Variants in WWP1 observed in about 807,000 individuals in gnomAD.
WWP1 encodes the protein NEDD4-like E3 ubiquitin-protein ligase WWP1.
Under a neutral mutation model 130.6 loss-of-function variants are expected in WWP1, and 49 were observed. The observed-to-expected ratio is 0.38, with a 90% CI of 0.30 to 0.48. The LOEUF (loss-of-function observed/expected upper bound fraction) is 0.48, where lower values mean the gene tolerates loss of function less well. WWP1 is among the 20% of genes least tolerant of loss of function. The pLI, the probability that WWP1 is intolerant of heterozygous loss-of-function variation, is 0.99. For missense variants in WWP1, 809 were observed against 1,100.6 expected (o/e 0.74, Z 3.75); for synonymous variants, 332 against 367.8 (o/e 0.90, Z 1.11).
At chr8:86,425,202 A>G in intron 9 of WWP1, 21 bp from the exon 10 acceptor site, 1 of 1,589,856 alleles carries the variant, frequency 6.3e-7, no homozygotes, top group African/African-American at 1.4e-5. Flanking sequence ...TCTTACTGTT[A>G]TTTTTGTATT....
chr8:86,423,185 CAG>C (rs1809331164), intron 9 of WWP1, among the ~76,000 whole-genome samples: 2 of 150,210 alleles, frequency 1.3e-5, no homozygotes, highest in South Asian at 4.2e-4. Context: ...TATCAAATGT[CAG>C]AAAAAGGGTA....
chr8:86,459,942 C>T (rs1811669558), intron 22 of WWP1, among the ~76,000 whole-genome samples: 1 of 152,214 alleles, frequency 6.6e-6, no homozygotes, highest in South Asian at 2.1e-4. Flanking sequence ...ATATGTGCCT[C>T]AGCACAATTC....
rs769393848 is a variant in WWP1, at chr8:86,448,490, G to A, written c.2250G>A (p.Glu750=). The A allele has an allele frequency of 1.2e-6, 2 of 1,613,408 alleles. No homozygotes were observed. Among genetic ancestry groups the A allele is most frequent in the African/African-American group, 1.3e-5 (1 of 74,880 alleles). ...GAGGTTCCAATATTCTGGTGACTGA[G>A]GAGAACAAAGATGAATATATTGGGT... ...KLGGSNILVT[E]ENKDEYIGLM... Residue 750 remains glutamate, a synonymous_variant, in exon 20 of 25, where the codon GAG becomes GAA. Transcript: ENST00000517970.
intron 1 of WWP1, among the ~76,000 whole-genome samples, chr8:86,355,713 C>T (rs76821329): frequency 2.6e-5 from 4 of 152,102 alleles, no homozygotes; most frequent in East Asian, 1.9e-4. Flanking sequence ...TATCTTTTTA[C>T]GATTAATTGT....
At chr8:86,423,185 C>T (rs1163240247) in intron 9 of WWP1, among the ~76,000 whole-genome samples, 3 of 150,100 alleles carry the variant, frequency 2.0e-5, no homozygotes, top group Non-Finnish European at 3.0e-5. Flanking sequence ...TATCAAATGT[C>T]AGAAAAAGGG....
At chr8:86,390,050 CCAGACGGGGTCG>C (rs1825553526) in intron 5 of WWP1, among the ~76,000 whole-genome samples, 1 of 151,638 alleles carries the variant, frequency 6.6e-6, no homozygotes, top group South Asian at 2.1e-4. Flanking sequence ...TCCTCAGATC[CCAGACGGGGTCG>C]CAGCTGGGCA....
intron 11 of WWP1, 57 bp downstream of exon 11, chr8:86,427,874 T>C (rs1809720985): frequency 8.1e-7 from 1 of 1,228,060 alleles, no homozygotes; most frequent in Non-Finnish European, 1.1e-6. Flanking sequence ...GTTTCTTTCT[T>C]TTTTTTTTTT....
At chr8:86,361,976 A>G (rs55754530) in intron 1 of WWP1, among the ~76,000 whole-genome samples, 10,408 of 69,550 alleles carry the variant, frequency 0.15, 604 homozygotes, top group African/African-American at 0.22. Flanking sequence ...GTGTGTGTGT[A>G]TATATATATA....
rs1369861004 is a variant in WWP1, at chr8:86,421,810, G to A, written c.1062-3413G>A. ...TGCATTCCAGCCTGGGGGACAGAGC[G>A]AGACGCCATCTCAAAAAAAAAAAAT... On this transcript the variant is annotated intron_variant, in intron 9 of 24. Transcript: ENST00000517970. 3.3e-5 allele frequency among the ~76,000 whole-genome samples: 5 copies of A among 151,502 alleles called. No individual in the cohort carries two copies. The South Asian group carries it at 6.3e-4, about 19-fold the overall frequency.
rs200465594 is a variant in WWP1, at chr8:86,414,884, C to CA, written c.1061+3010_1061+3011insA. On this transcript the variant is annotated intron_variant, in intron 9 of 24. Transcript: ENST00000517970. ...GATTAAAAATACATTCTGAATCCCC[C>CA]CCCCATCCCCCCACCCCCGCCCCTA... 6.0e-3 allele frequency among the ~76,000 whole-genome samples: 486 copies of CA among 81,034 alleles called. 14 individuals are homozygous for CA. The East Asian group carries it at 0.11, about 18-fold the overall frequency. 53.2% of individuals were successfully genotyped at this position (81,034 alleles called of 152,430 possible).
intron 11 of WWP1, 65 bp from the exon 12 acceptor site, chr8:86,430,631 CT>C: frequency 7.6e-7 from 1 of 1,316,314 alleles, no homozygotes. Context: ...ACATGCTTGG[CT>C]TATTTCTACT....
chr8:86,401,232 T>C (rs893539062), intron 7 of WWP1, among the ~76,000 whole-genome samples: 11 of 152,098 alleles, frequency 7.2e-5, no homozygotes, highest in African/African-American at 2.4e-4. Context: ...ATTTGAAGAC[T>C]GTTTTTCACT....
intron 1 of WWP1, among the ~76,000 whole-genome samples, chr8:86,356,548 A>T (rs1247351107): frequency 1.3e-5 from 2 of 151,940 alleles, no homozygotes; most frequent in Admixed American, 6.6e-5. Flanking sequence ...GAAAAAAACT[A>T]CCTCATTCTC....
chr8:86,449,007 A>ATT (rs777593997), intron 20 of WWP1, among the ~76,000 whole-genome samples: 1 of 145,918 alleles, frequency 6.9e-6, no homozygotes, highest in Non-Finnish European at 1.5e-5. Flanking sequence ...ATTTAAAACA[A>ATT]TTTTTTTTTT....
intron 1 of WWP1, among the ~76,000 whole-genome samples, chr8:86,344,770 G>C (rs146350155): frequency 5.0e-4 from 76 of 152,284 alleles, no homozygotes; most frequent in African/African-American, 1.7e-3. Flanking sequence ...ATCTCTAAGA[G>C]AGCACAGAGT....
intron 20 of WWP1, among the ~76,000 whole-genome samples, chr8:86,448,733 A>C (rs1306987247): frequency 2.6e-5 from 4 of 152,054 alleles, no homozygotes; most frequent in Non-Finnish European, 5.9e-5. Context: ...CCCTTTTTTA[A>C]CTTAGGCTTT....
At chr8:86,428,577 G>T (rs994723502) in intron 11 of WWP1, among the ~76,000 whole-genome samples, 1 of 152,222 alleles carries the variant, frequency 6.6e-6, no homozygotes, top group Non-Finnish European at 1.5e-5. Context: ...TCCTGCTGCA[G>T]TCTGGCTCTT....
chr8:86,388,247 C>T (rs1177665635), intron 5 of WWP1, among the ~76,000 whole-genome samples: 1 of 150,436 alleles, frequency 6.6e-6, no homozygotes, highest in Non-Finnish European at 1.5e-5. Flanking sequence ...CAGTAGGTAC[C>T]AGGTTGTCTG....
chr8:86,406,394 T>C (rs1432210303), intron 8 of WWP1, among the ~76,000 whole-genome samples: 1 of 152,200 alleles, frequency 6.6e-6, no homozygotes, highest in Admixed American at 6.5e-5. Context: ...ATTTTATTAA[T>C]AAAGTAGATC....
Sources: allele counts gnomAD v4.1 joint callset (sites outside exome capture counted in the v4.1 genomes callset), GRCh38; gene constraint gnomAD v4.1.1; transcripts MANE v1.5; gene names NCBI Gene and HGNC (gene_info 2026-07-23, HGNC 2026-07-21).